The following MYRFL variants were observed in gnomAD, a reference collection of about 807,000 sequenced individuals.
The protein encoded by MYRFL is myelin regulatory factor-like protein.
MYRFL carries 88 observed loss-of-function variants against 109.4 expected under a neutral mutation model. The observed-to-expected ratio is 0.80, with a 90% CI of 0.68 to 0.96. MYRFL has a LOEUF of 0.96. Ranked by LOEUF, MYRFL falls within the 40% of genes least tolerant of loss-of-function variation. The pLI is 0.00. For missense variants in MYRFL, 957 were observed against 954.9 expected, an observed-to-expected ratio of 1.00 and a Z score of -0.03; for synonymous variants, 324 against 320.9, an observed-to-expected ratio of 1.01 and a Z score of -0.10.
rs1956147795 is a variant in MYRFL, at chr12:69,958,548, G to GACTT, written c.*18_*21dup. 1 of 1,504,684 alleles carries GACTT rather than the reference G, an allele frequency of 6.6e-7. No individual in the cohort carries two copies. Among genetic ancestry groups the GACTT allele is most frequent in the African/African-American group, 1.4e-5 (1 of 71,658 alleles). 93.2% of individuals were successfully genotyped at this position (1,504,684 alleles called of 1,614,324 possible). ...TGTGCCTAATTTGTTCAAGTTTGGG[G>GACTT]ACTTTACCAAAGAAAAATACTCAGG... On this transcript the variant is annotated 3_prime_UTR_variant, in exon 25 of 25. Coordinates refer to ENST00000552032, the MANE Select transcript of MYRFL (RefSeq NM_182530.3).
At chr12:69,880,800 C>T (rs1302183329) in intron 5 of MYRFL, among the ~76,000 whole-genome samples, 5 of 152,102 alleles carry the variant, frequency 3.3e-5, no homozygotes, top group East Asian at 1.9e-4. Context: ...CAAGACTTAC[C>T]GTGTTTTTCC....
chr12:69,834,815 C>A (rs986313062), intron 1 of MYRFL, among the ~76,000 whole-genome samples: 2 of 152,166 alleles, frequency 1.3e-5, no homozygotes, highest in African/African-American at 4.8e-5. Context: ...CAACAAAGGA[C>A]AAAGTACTGA....
chr12:69,884,004 A>G (rs932073394), intron 5 of MYRFL, among the ~76,000 whole-genome samples: 6 of 152,150 alleles, frequency 3.9e-5, no homozygotes, highest in African/African-American at 1.4e-4. Context: ...AGTCTTGGGG[A>G]GGAGAGACTA....
At chr12:69,863,991 C>A (rs1031783972) in intron 2 of MYRFL, among the ~76,000 whole-genome samples, 3 of 152,204 alleles carry the variant, frequency 2.0e-5, no homozygotes, top group Non-Finnish European at 4.4e-5. Context: ...TTCTAGCCTC[C>A]ATGGTTTCTG....
At chr12:69,940,794 A>C (rs1955618002) in intron 19 of MYRFL, among the ~76,000 whole-genome samples, 1 of 139,014 alleles carries the variant, frequency 7.2e-6, no homozygotes, top group Non-Finnish European at 1.6e-5. Context: ...AACCCATCTC[A>C]TGTGCAGAGA....
chr12:69,869,857 G>T (rs1308742025), intron 2 of MYRFL, among the ~76,000 whole-genome samples: 1 of 152,156 alleles, frequency 6.6e-6, no homozygotes, highest in Non-Finnish European at 1.5e-5. Flanking sequence ...CAATATGAAA[G>T]AAATACTGGC....
At chr12:69,846,787 G>C (rs1318990750) in intron 1 of MYRFL, among the ~76,000 whole-genome samples, 1 of 151,620 alleles carries the variant, frequency 6.6e-6, no homozygotes, top group African/African-American at 2.4e-5. Context: ...ACTTCCACAA[G>C]GGTTGAACTA....
intron 14 of MYRFL, among the ~76,000 whole-genome samples, chr12:69,927,481 A>G (rs1468132278): frequency 6.6e-6 from 1 of 152,134 alleles, no homozygotes; most frequent in African/African-American, 2.4e-5. Context: ...GAAAAAGAGA[A>G]ATACAATGTT....
intron 14 of MYRFL, among the ~76,000 whole-genome samples, chr12:69,927,279 G>A (rs974357181): frequency 2.5e-4 from 38 of 152,062 alleles, no homozygotes; most frequent in Admixed American, 7.9e-4. Flanking sequence ...AAAACCATGA[G>A]ACATCTGTTT....
intron 13 of MYRFL, among the ~76,000 whole-genome samples, chr12:69,912,638 T>G (rs1348301960): frequency 6.6e-6 from 1 of 152,186 alleles, no homozygotes; most frequent in Non-Finnish European, 1.5e-5. Context: ...TGTATCAAAA[T>G]TTCCTTTCTT....
At chr12:69,925,129 G>A (rs1955034216) in intron 13 of MYRFL, among the ~76,000 whole-genome samples, 1 of 152,178 alleles carries the variant, frequency 6.6e-6, no homozygotes, top group South Asian at 2.1e-4. Context: ...TCTCTGACTA[G>A]TGGTCTCTGG....
chr12:69,924,484 G>A (rs1012103656), intron 13 of MYRFL, among the ~76,000 whole-genome samples: 1 of 152,054 alleles, frequency 6.6e-6, no homozygotes, highest in African/African-American at 2.4e-5. Context: ...CTATGCAAAT[G>A]TACCACAGTT....
intron 13 of MYRFL, among the ~76,000 whole-genome samples, chr12:69,913,852 G>T (rs1954652742): frequency 6.6e-6 from 1 of 152,192 alleles, no homozygotes; most frequent in South Asian, 2.1e-4. Flanking sequence ...TTGGGATTTT[G>T]ATAGGGATTT....
chr12:69,955,363 A>G lies in MYRFL; in HGVS notation c.2376A>G (p.Gly792=). 1.6e-6 allele frequency: 1 copy of G among 636,700 alleles called. No individual in the cohort carries two copies. The highest frequency in any genetic ancestry group is 1.9e-5 in the South Asian group (1 of 53,958). The allele number at this position is 636,700 out of a possible 1,614,324, so 39.4% of individuals were successfully genotyped here. A position where few individuals can be genotyped will look rare whatever the true frequency, so the allele number is the denominator to read the frequency against. The change falls in exon 22 of 25, where the codon GGA becomes GGG. Residue 792 remains glycine, a splice_region_variant and synonymous_variant. Coordinates refer to ENST00000552032, the MANE Select transcript of MYRFL (RefSeq NM_182530.3). Reference sequence around the variant, plus strand: ...GGTTTTATTTTCTTTCCATAATTAGATCTGGAAATTATAATTACAATATTC... The same window carrying G: ...GGTTTTATTTTCTTTCCATAATTAGGTCTGGAAATTATAATTACAATATTC... The part of the protein sequence containing the change: ...HQYCIQSLQC[G]SGNYNYNIPV...
intron 2 of MYRFL, among the ~76,000 whole-genome samples, chr12:69,866,491 A>G (rs1412259927): frequency 3.9e-5 from 6 of 152,114 alleles, no homozygotes; most frequent in African/African-American, 1.2e-4. Flanking sequence ...GTTTCATTTC[A>G]TAGTTTCATA....
chr12:69,936,464 T>A lies in MYRFL; in HGVS notation c.2056T>A (p.Ser686Thr), dbSNP rs1483468459. 1.3e-6 allele frequency: 2 copies of A among 1,535,296 alleles called. No homozygotes were observed. The highest frequency in any genetic ancestry group is 1.2e-5 in the South Asian group (1 of 83,904). Residue 686 changes from serine to threonine, a missense_variant, in exon 19 of 25, where the codon TCC becomes ACC. Coordinates refer to ENST00000552032, the MANE Select transcript of MYRFL (RefSeq NM_182530.3). Reference protein sequence around the residue: ...PTASSSAPNTSLVTTPASLQV... With the variant: ...PTASSSAPNTTLVTTPASLQV... ...CCAATGCCTTGCAGCACCTAATACATCCCTGGTAACCACACCGGCCTCCTT... is the reference window on the plus strand; with the variant it reads ...CCAATGCCTTGCAGCACCTAATACAACCCTGGTAACCACACCGGCCTCCTT...
chr12:69,873,068 C>T (rs10879029), intron 2 of MYRFL, among the ~76,000 whole-genome samples: 1 of 152,120 alleles, frequency 6.6e-6, no homozygotes, highest in Non-Finnish European at 1.5e-5. Context: ...AGTACCAAAC[C>T]CTATATATGC....
At chr12:69,952,740 C>CA in intron 20 of MYRFL, 59 bp from the exon 21 acceptor site, 2 of 1,230,640 alleles carry the variant, frequency 1.6e-6, no homozygotes, top group Non-Finnish European at 2.3e-6. Context: ...GGCTGGAATA[C>CA]AATATTCTTT....
intron 2 of MYRFL, among the ~76,000 whole-genome samples, chr12:69,869,131 G>C (rs910737206): frequency 6.6e-6 from 1 of 152,232 alleles, no homozygotes; most frequent in Non-Finnish European, 1.5e-5. Context: ...TATAGTTGGA[G>C]GATGGGGTAA....
Sources: gnomAD v4.1 joint callset for allele counts (sites outside exome capture counted in the v4.1 genomes callset) on GRCh38, gnomAD v4.1.1 for gene constraint, MANE v1.5 for transcripts, NCBI Gene and HGNC (gene_info 2026-07-23, HGNC 2026-07-21) for gene names.